The following CCDC3 variants were observed in gnomAD, a reference collection of about 807,000 sequenced individuals.
CCDC3 encodes the protein coiled-coil domain-containing protein 3.
In CCDC3, 24 loss-of-function variants were observed where a neutral mutation model predicts 21.4. The observed-to-expected ratio is 1.12, with a 90% CI of 0.81 to 1.58. The LOEUF (loss-of-function observed/expected upper bound fraction) is 1.58, where lower values mean the gene tolerates loss of function less well. CCDC3 is among the 40% of genes most tolerant of loss of function. The probability of loss-of-function intolerance (pLI) is 0.00; values close to 1 mark genes in which losing one functional copy is unlikely to be tolerated. For synonymous variants in CCDC3, 186 were observed against 166.0 expected (o/e 1.12, Z -0.93); for missense variants, 425 against 360.9 (o/e 1.18, Z -1.44).
intron 5 of CCDC3, among the ~76,000 whole-genome samples, chr10:13,038,922 C>T (rs10796006): frequency 0.14 from 21,058 of 152,200 alleles, 1,611 homozygotes; most frequent in Middle Eastern, 0.26. Flanking sequence ...CCTTTAGCTC[C>T]CATTGGGCGA....
intron 2 of CCDC3, among the ~76,000 whole-genome samples, chr10:12,931,247 CAAGTCTGCCGTATTCAT>C (rs1239659283): frequency 6.2e-5 from 9 of 145,764 alleles, no homozygotes; most frequent in Non-Finnish European, 7.5e-5. Context: ...AAAGCTCTGA[CAAGTCTGCCGTATTCAT>C]AAGACTTTAG....
intron 2 of CCDC3, among the ~76,000 whole-genome samples, chr10:12,987,299 C>T (rs1835610178): frequency 6.6e-6 from 1 of 152,208 alleles, no homozygotes; most frequent in African/African-American, 2.4e-5. Context: ...TAACCCATGA[C>T]ACAGTGCTAA....
intron 4 of CCDC3, among the ~76,000 whole-genome samples, chr10:13,067,537 G>C (rs1836835995): frequency 6.6e-6 from 1 of 152,158 alleles, no homozygotes; most frequent in Non-Finnish European, 1.5e-5. Context: ...ATGACTTTCT[G>C]TATGGTGAGT....
chr10:12,899,085 A>G (rs938403529), intron 2 of CCDC3, among the ~76,000 whole-genome samples: 16 of 152,070 alleles, frequency 1.1e-4, no homozygotes, highest in Non-Finnish European at 1.9e-4. Context: ...AGCCACTTAC[A>G]TTCGCGAAGG....
chr10:12,986,573 A>G (rs866550408), intron 2 of CCDC3, among the ~76,000 whole-genome samples: 35 of 152,280 alleles, frequency 2.3e-4, no homozygotes, highest in Admixed American at 8.5e-4. Flanking sequence ...AGGAGATGGA[A>G]ACCACTCTAG....
intron 2 of CCDC3, among the ~76,000 whole-genome samples, chr10:12,937,108 C>CTTT (rs61592955): frequency 0.13 from 18,997 of 148,808 alleles, 1,271 homozygotes; most frequent in African/African-American, 0.19. Flanking sequence ...TCCCTGTGGA[C>CTTT]TTTTTTTTTT....
At chr10:13,011,454 A>G (rs1363807668) in intron 5 of CCDC3, among the ~76,000 whole-genome samples, 1 of 152,190 alleles carries the variant, frequency 6.6e-6, no homozygotes, top group African/African-American at 2.4e-5. Flanking sequence ...CAAAAAGAAT[A>G]CAATACCTAG....
chr10:13,064,183 G>A (rs556885863), intron 4 of CCDC3, among the ~76,000 whole-genome samples: 8 of 152,152 alleles, frequency 5.3e-5, no homozygotes, highest in Non-Finnish European at 1.0e-4. Flanking sequence ...CTCAGCCTCC[G>A]AAAGTGCAGG....
chr10:12,986,737 C>T (rs924774659), intron 2 of CCDC3, among the ~76,000 whole-genome samples: 11 of 150,212 alleles, frequency 7.3e-5, no homozygotes, highest in Admixed American at 3.3e-4. Flanking sequence ...CGTGCCACTG[C>T]ACCCCAGCCT....
chr10:12,985,595 A>G (rs759885966), intron 2 of CCDC3, among the ~76,000 whole-genome samples: 2 of 152,248 alleles, frequency 1.3e-5, no homozygotes, highest in Non-Finnish European at 1.5e-5. Flanking sequence ...CTACCCAGCA[A>G]TGAAAGGGAA....
In CCDC3 at chr10:13,001,483, G is replaced by T. The variant is rs1323737375; in HGVS notation, c.88C>A (p.Pro30Thr). The T allele has an allele frequency of 1.5e-6, 2 of 1,378,928 alleles. No individual in the cohort carries two copies. The highest frequency in any genetic ancestry group is 1.9e-6 in the Non-Finnish European group (2 of 1,068,872). 85.4% of individuals were successfully genotyped at this position (1,378,928 alleles called of 1,614,324 possible). The change falls in exon 1 of 3, where the codon CCC becomes ACC. Residue 30 changes from proline (P) to threonine (T), a missense_variant. Coordinates refer to ENST00000378825, the MANE Select transcript of CCDC3 (RefSeq NM_031455.4). ...TCGGCGCGGCAGCCCTCGCTCAGGGGCCTCCACTCGGAGGGCAGCTGGCAG... is the reference window on the plus strand; with the variant it reads ...TCGGCGCGGCAGCCCTCGCTCAGGGTCCTCCACTCGGAGGGCAGCTGGCAG... Reference protein sequence around the residue: ...RACQLPSEWRPLSEGCRAELA... With the variant: ...RACQLPSEWRTLSEGCRAELA...
chr10:13,074,122 G>A (rs1260425442), intron 3 of CCDC3: 1 of 135,882 alleles, frequency 7.4e-6, no homozygotes, highest in Non-Finnish European at 1.5e-5. Context: ...AGAAACAGAG[G>A]AATCAAATAT....
chr10:13,043,280 A>C (rs1836485426), intron 5 of CCDC3, among the ~76,000 whole-genome samples: 1 of 152,088 alleles, frequency 6.6e-6, no homozygotes, highest in Admixed American at 6.6e-5. Context: ...ATGAGACATA[A>C]AGATGAAAGC....
Position 13,001,209 on chromosome 10 carries a change from A to T in CCDC3, c.362T>A (p.Phe121Tyr), listed in dbSNP as rs749197079. ...SHTVVQDYSY[F>Y]FFLRMDENYN... ...CCGCCGGGCTCACCTGAGGAAGAAG[A>T]AATAGGAGTAGTCCTGGACCACGGT... The change falls in exon 1 of 3, where the codon TTC becomes TAC. Residue 121 changes from phenylalanine to tyrosine, a missense_variant. Phe to Tyr is a conservative substitution (Grantham distance 22, BLOSUM62 3). Coordinates refer to ENST00000378825, the MANE Select transcript of CCDC3 (RefSeq NM_031455.4). The T allele has an allele frequency of 1.3e-6, 2 of 1,558,122 alleles. No individual in the cohort carries two copies. The highest frequency in any genetic ancestry group is 2.4e-5 in the South Asian group (2 of 84,540).
In CCDC3 at chr10:12,898,436, G is replaced by A. The variant is rs748809673; in HGVS notation, c.793C>T (p.Pro265Ser). Residue 265 changes from proline to serine, a missense_variant, in exon 3 of 3, where the codon CCC (proline) becomes TCC (serine). Coordinates refer to ENST00000378825, the MANE Select transcript of CCDC3 (RefSeq NM_031455.4). ...PHINARGPVRPPYLRG is the reference protein window; with the variant it reads ...PHINARGPVRSPYLRG ...GCCCGTTACCCCCGCAGGTAGGGGGGGCGCACGGGCCCCCGGGCATTGATG... is the reference window on the plus strand; with the variant it reads ...GCCCGTTACCCCCGCAGGTAGGGGGAGCGCACGGGCCCCCGGGCATTGATG... 1 of 1,604,410 alleles carries A rather than the reference G, an allele frequency of 6.2e-7. No homozygotes were observed. The highest frequency in any genetic ancestry group is 8.5e-7 in the Non-Finnish European group (1 of 1,174,136).
At chr10:13,062,362 T>C (rs10906289) in intron 4 of CCDC3, among the ~76,000 whole-genome samples, 60,950 of 152,056 alleles carry the variant, frequency 0.4, 12,335 homozygotes, top group African/African-American at 0.43. Context: ...TGTATGTACA[T>C]AAGATGCCAT....
At chr10:12,920,226 C>G (rs910019764) in intron 2 of CCDC3, among the ~76,000 whole-genome samples, 3 of 152,072 alleles carry the variant, frequency 2.0e-5, no homozygotes, top group Non-Finnish European at 4.4e-5. Context: ...AGAGCCAAGT[C>G]AAAGGGGAAA....
rs1285143084 is a variant in CCDC3 at position 12,998,404 on chromosome 10, T to C, written c.483A>G (p.Ser161=). The part of the protein sequence containing the change: ...RRMFSSLFQF[S]NCSQGQQLAT... ...CCAGCTGCTGCCCTTGCGAACAGTT[T>C]GAAAACTGGAAAAGGCTAGAAAACA... The change falls in exon 2 of 3, where the codon TCA becomes TCG. Residue 161 remains serine (S), a synonymous_variant. Transcript: ENST00000378825. 1.2e-6 allele frequency: 2 copies of C among 1,614,226 alleles called. No individual in the cohort carries two copies. The highest frequency in any genetic ancestry group is 1.1e-5 in the South Asian group (1 of 91,084).
chr10:12,926,462 A>T (rs976822670), intron 2 of CCDC3, among the ~76,000 whole-genome samples: 2 of 152,154 alleles, frequency 1.3e-5, no homozygotes, highest in African/African-American at 4.8e-5. Flanking sequence ...TTTGTGCCCC[A>T]GGGAGCACAA....
Sources: allele counts gnomAD v4.1 joint callset (sites outside exome capture counted in the v4.1 genomes callset), GRCh38; gene constraint gnomAD v4.1.1; transcripts MANE v1.5; gene names NCBI Gene and HGNC (gene_info 2026-07-23, HGNC 2026-07-21).